Variants in PAK5 observed in about 807,000 individuals in gnomAD.
The protein encoded by PAK5 is p21 (RAC1) activated kinase 5.
In PAK5, 16 loss-of-function variants were observed where a neutral mutation model predicts 65.9. The observed-to-expected ratio is 0.24, with a 90% CI of 0.16 to 0.37. The LOEUF (loss-of-function observed/expected upper bound fraction) is 0.37, where lower values mean the gene tolerates loss of function less well. Ranked by LOEUF, PAK5 falls within the 10% of genes least tolerant of loss-of-function variation. The pLI is 1.00. For synonymous variants in PAK5, 371 were observed against 354.9 expected, an observed-to-expected ratio of 1.05 and a Z score of -0.51; for missense variants, 785 against 903.9, an observed-to-expected ratio of 0.87 and a Z score of 1.69.
At chr20:9,765,016 G>T (rs1226153640) in intron 1 of PAK5, among the ~76,000 whole-genome samples, 1 of 152,038 alleles carries the variant, frequency 6.6e-6, no homozygotes, top group Non-Finnish European at 1.5e-5. Context: ...AATCACTTTT[G>T]CACTGAAGGT....
At chr20:9,761,822 A>T (rs528994836) in intron 1 of PAK5, among the ~76,000 whole-genome samples, 52 of 152,170 alleles carry the variant, frequency 3.4e-4, no homozygotes, top group South Asian at 1.0e-3. Flanking sequence ...ATTTTTTTTT[A>T]AAATGGATTG....
intron 3 of PAK5, among the ~76,000 whole-genome samples, chr20:9,618,402 AC>A (rs2046700363): frequency 2.0e-5 from 3 of 146,906 alleles, no homozygotes; most frequent in East Asian, 2.0e-4. Context: ...ACGGCCTGGA[AC>A]TTTTTTTTTT....
At chr20:9,812,492 C>A (rs1245918739) in intron 1 of PAK5, among the ~76,000 whole-genome samples, 1 of 152,066 alleles carries the variant, frequency 6.6e-6, no homozygotes, top group Non-Finnish European at 1.5e-5. Context: ...AGTGTTGGAA[C>A]AATTGGAACT....
chr20:9,563,985 T>C (rs1334451613), intron 5 of PAK5, among the ~76,000 whole-genome samples: 1 of 152,174 alleles, frequency 6.6e-6, no homozygotes, highest in East Asian at 1.9e-4. Context: ...ACCTTCTTAC[T>C]TCTCAGAGAA....
chr20:9,791,994 C>G (rs1258711811), intron 1 of PAK5, among the ~76,000 whole-genome samples: 21 of 152,144 alleles, frequency 1.4e-4, no homozygotes, highest in Admixed American at 1.4e-3. Flanking sequence ...ACACCCTCTT[C>G]CCTCCTGATC....
intron 3 of PAK5, among the ~76,000 whole-genome samples, chr20:9,591,909 T>C (rs938723258): frequency 1.3e-5 from 2 of 152,212 alleles, no homozygotes; most frequent in African/African-American, 4.8e-5. Context: ...TAATAAATGT[T>C]AAGAAACTTG....
intron 2 of PAK5, among the ~76,000 whole-genome samples, chr20:9,699,467 T>A (rs1009478162): frequency 6.6e-6 from 1 of 151,874 alleles, no homozygotes; most frequent in African/African-American, 2.4e-5. Flanking sequence ...GGGTGTATAT[T>A]TTCTTCCCCT....
At position 9,622,680 on chromosome 20, in the gene PAK5, T is replaced by C. The variant is rs201822527; in HGVS notation, c.204+21445A>G. 4.6e-5 allele frequency among the ~76,000 whole-genome samples: 7 copies of C among 152,260 alleles called. No homozygotes were observed. The East Asian group carries it at 1.4e-3, about 29-fold the overall frequency. On this transcript the variant is annotated intron_variant, in intron 3 of 9. Transcript: ENST00000353224. ...GCAGCGACATTATATTCTCATAGGG[T>C]TGCAAACCCTATGGTGAACCAAGCA...
intron 1 of PAK5, among the ~76,000 whole-genome samples, chr20:9,717,524 GAAAC>G (rs1315942826): frequency 1.3e-5 from 2 of 152,344 alleles, no homozygotes; most frequent in African/African-American, 2.4e-5. Context: ...ATTTGATAAA[GAAAC>G]AAACAAGCAA....
At chr20:9,635,416 G>A (rs1309915521) in intron 3 of PAK5, among the ~76,000 whole-genome samples, 20 of 152,104 alleles carry the variant, frequency 1.3e-4, no homozygotes, top group Admixed American at 1.3e-3. Flanking sequence ...GCTTTCAAAA[G>A]TGCCCCGTGC....
At chr20:9,724,278 C>A (rs759699665) in intron 1 of PAK5, among the ~76,000 whole-genome samples, 7 of 152,124 alleles carry the variant, frequency 4.6e-5, no homozygotes, top group Non-Finnish European at 7.3e-5. Flanking sequence ...ATTTGAGAAA[C>A]TTCTCTCAAG....
At chr20:9,653,394 TC>T (rs1363867283) in intron 2 of PAK5, among the ~76,000 whole-genome samples, 1 of 152,218 alleles carries the variant, frequency 6.6e-6, no homozygotes, top group Admixed American at 6.5e-5. Flanking sequence ...TCTCTTAATC[TC>T]TGTGTCTATG....
chr20:9,551,451 G>T (rs2045426027), intron 7 of PAK5, among the ~76,000 whole-genome samples: 1 of 152,140 alleles, frequency 6.6e-6, no homozygotes, highest in African/African-American at 2.4e-5. Flanking sequence ...TTAAACATGA[G>T]ATCCTATCCA....
At chr20:9,723,966 T>C (rs1415889976) in intron 1 of PAK5, among the ~76,000 whole-genome samples, 2 of 152,194 alleles carry the variant, frequency 1.3e-5, no homozygotes, top group African/African-American at 4.8e-5. Flanking sequence ...TGTTTCCTTT[T>C]CACCCAAATA....
At chr20:9,774,614 G>C (rs950076536) in intron 1 of PAK5, among the ~76,000 whole-genome samples, 13 of 152,048 alleles carry the variant, frequency 8.5e-5, no homozygotes, top group Non-Finnish European at 1.8e-4. Flanking sequence ...TTCTTCATCA[G>C]ATGAATGAAT....
chr20:9,796,253 G>A (rs2049103070), intron 1 of PAK5, among the ~76,000 whole-genome samples: 2 of 152,046 alleles, frequency 1.3e-5, no homozygotes, highest in East Asian at 1.9e-4. Flanking sequence ...CAATATGAGG[G>A]AGAAGAACAG....
At chr20:9,624,485 A>G (rs891916407) in intron 3 of PAK5, among the ~76,000 whole-genome samples, 1 of 152,016 alleles carries the variant, frequency 6.6e-6, no homozygotes, top group Admixed American at 6.6e-5. Context: ...TTTTTATGCC[A>G]TGTCCAGGAT....
intron 1 of PAK5, among the ~76,000 whole-genome samples, chr20:9,823,844 G>T (rs919570827): frequency 9.2e-5 from 14 of 152,106 alleles, no homozygotes; most frequent in African/African-American, 3.1e-4. Context: ...TAAAATAGAG[G>T]AAGTTAAAGG....
intron 9 of PAK5, 62 bp downstream of exon 9, chr20:9,542,524 C>A: frequency 3.8e-6 from 6 of 1,564,086 alleles, no homozygotes; most frequent in Non-Finnish European, 5.3e-6. Context: ...TCTTAAAAAC[C>A]AGAGAGATAC....
Sources: allele counts gnomAD v4.1 joint callset (sites outside exome capture counted in the v4.1 genomes callset), GRCh38; gene constraint gnomAD v4.1.1; transcripts MANE v1.5; gene names NCBI Gene and HGNC (gene_info 2026-07-23, HGNC 2026-07-21).